LIMK2: variants seen among roughly 807,000 people sequenced by gnomAD.
LIMK2 encodes LIM domain kinase 2.
Under a neutral mutation model 75.7 loss-of-function variants are expected in LIMK2, and 35 were observed. The observed-to-expected ratio is 0.46, with a 90% CI of 0.35 to 0.61. The LOEUF (loss-of-function observed/expected upper bound fraction) is 0.61, where lower values mean the gene tolerates loss of function less well. Ranked by LOEUF, LIMK2 falls within the 20% of genes least tolerant of loss-of-function variation. The pLI, the probability that LIMK2 is intolerant of heterozygous loss-of-function variation, is 0.00. For synonymous variants in LIMK2, 301 were observed against 319.2 expected (o/e 0.94, Z 0.61); for missense variants, 623 against 831.0 (o/e 0.75, Z 3.08).
chr22:31,248,572 C>A (rs749219566), intron 2 of LIMK2: 2 of 1,604,410 alleles, frequency 1.2e-6, no homozygotes, highest in Non-Finnish European at 1.7e-6. Flanking sequence ...GCAGCTGCTC[C>A]GGAGGGAGAG....
In LIMK2 at chr22:31,267,830, C is replaced by T; in HGVS notation, c.1183C>T (p.Leu395=). The change falls in exon 10 of 16, where the codon CTG becomes TTG. Residue 395 remains leucine (L), a synonymous_variant. Transcript: ENST00000331728. ...CAATGTGCTCAAGTTCATTGGTGTG[C>T]TGTACAAGGATAAGAAGCTGAACCT... ...HPNVLKFIGV[L]YKDKKLNLLT... is the part of the protein sequence containing the mutation. 1.2e-6 allele frequency: 2 copies of T among 1,613,026 alleles called. No homozygotes were observed. The highest frequency in any genetic ancestry group is 2.2e-5 in the South Asian group (2 of 90,944).
chr22:31,270,030 G>A (rs2048939775), intron 11 of LIMK2, among the ~76,000 whole-genome samples: 1 of 152,018 alleles, frequency 6.6e-6, no homozygotes, highest in Admixed American at 6.6e-5. Context: ...TTGGGGGATG[G>A]GGGATAGCCA....
chr22:31,212,323 G>T lies in LIMK2; in HGVS notation c.-86G>T. ...GTCTTCCCGCGCCTGAGGCGGCGGC[G>T]GCAGGAGCTGAGGGGAGTTGTAGGG... is the stretch of plus-strand genomic sequence containing the variant. On this transcript the variant is annotated 5_prime_UTR_variant, in exon 1 of 16. Transcript: ENST00000331728. 1 of 1,278,796 alleles carries T rather than the reference G, an allele frequency of 7.8e-7. No homozygotes were observed. The highest frequency in any genetic ancestry group is 1.0e-6 in the Non-Finnish European group (1 of 998,142). 79.2% of individuals were successfully genotyped at this position (1,278,796 alleles called of 1,614,324 possible). A position where few individuals can be genotyped will look rare whatever the true frequency, so the allele number is the denominator to read the frequency against.
intron 2 of LIMK2, among the ~76,000 whole-genome samples, chr22:31,246,758 C>CAAAAAAAAAAAACAAAAAA (rs2048674078): frequency 8.8e-6 from 1 of 113,010 alleles, no homozygotes; most frequent in Non-Finnish European, 1.9e-5. Flanking sequence ...GACCCTGACT[C>CAAAAAAAAAAAACAAAAAA]AAAAAAAAAA....
At chr22:31,275,055 G>T in intron 14 of LIMK2, 96 bp from the exon 15 acceptor site, 8 of 1,197,956 alleles carry the variant, frequency 6.7e-6, no homozygotes, top group Non-Finnish European at 8.6e-6. Flanking sequence ...CTCCTCTTCT[G>T]CCATTCTTCC....
intron 2 of LIMK2, among the ~76,000 whole-genome samples, chr22:31,230,368 G>A (rs1307352864): frequency 3.3e-5 from 5 of 152,118 alleles, no homozygotes; most frequent in Non-Finnish European, 7.4e-5. Flanking sequence ...TGGTGACCTG[G>A]CCTCTTGGCA....
At chr22:31,219,774 G>A (rs572902329) in intron 1 of LIMK2, among the ~76,000 whole-genome samples, 21 of 152,108 alleles carry the variant, frequency 1.4e-4, no homozygotes, top group African/African-American at 4.6e-4. Flanking sequence ...GGGTTTCACC[G>A]TGTTAGCCAG....
chr22:31,235,637 G>A (rs1027573958), intron 2 of LIMK2, among the ~76,000 whole-genome samples: 6 of 152,152 alleles, frequency 3.9e-5, no homozygotes, highest in Non-Finnish European at 8.8e-5. Context: ...AATTCCAATC[G>A]TAAGTTTGTT....
intron 2 of LIMK2, among the ~76,000 whole-genome samples, chr22:31,229,812 C>T (rs1361797414): frequency 6.6e-6 from 1 of 152,108 alleles, no homozygotes; most frequent in Non-Finnish European, 1.5e-5. Context: ...GTTAGCCTTC[C>T]GACAGACCCT....
chr22:31,242,433 A>G (rs1348004830), intron 2 of LIMK2, among the ~76,000 whole-genome samples: 1 of 152,224 alleles, frequency 6.6e-6, no homozygotes, highest in Non-Finnish European at 1.5e-5. Context: ...CGCCTGGTAT[A>G]TAGTAGATAT....
chr22:31,252,668 A>G (rs961498755), intron 2 of LIMK2, among the ~76,000 whole-genome samples: 1 of 152,126 alleles, frequency 6.6e-6, no homozygotes, highest in Non-Finnish European at 1.5e-5. Context: ...ATTGCTAGGC[A>G]TAGGAGAAAA....
intron 2 of LIMK2, among the ~76,000 whole-genome samples, chr22:31,238,384 TC>T (rs965568215): frequency 1.4e-4 from 22 of 152,300 alleles, no homozygotes; most frequent in Non-Finnish European, 2.5e-4. Flanking sequence ...TAATTCAGCT[TC>T]CTGGGATACT....
chr22:31,244,623 T>C (rs1451981613), intron 2 of LIMK2, among the ~76,000 whole-genome samples: 2 of 152,076 alleles, frequency 1.3e-5, no homozygotes, highest in African/African-American at 4.8e-5. Flanking sequence ...TGCAACCTCA[T>C]AGGGGTGAAA....
chr22:31,277,215 C>T (rs375395300), intron 15 of LIMK2: 65 of 1,600,684 alleles, frequency 4.1e-5, no homozygotes, highest in East Asian at 3.1e-4. Flanking sequence ...ACAGCAATAC[C>T]GGGGGACCCT....
chr22:31,245,548 C>T (rs751948167), intron 2 of LIMK2, among the ~76,000 whole-genome samples: 27 of 152,050 alleles, frequency 1.8e-4, no homozygotes, highest in African/African-American at 5.1e-4. Context: ...GTGATCTGCC[C>T]GCCTCAGCCT....
chr22:31,245,145 G>A (rs995591796), intron 2 of LIMK2, among the ~76,000 whole-genome samples: 2 of 152,160 alleles, frequency 1.3e-5, no homozygotes, highest in African/African-American at 4.8e-5. Context: ...TGTCTTCGTG[G>A]TATAGATAGA....
chr22:31,255,978 C>CTTTTTTTTTTTTTTTTTTTT (rs567250437), intron 2 of LIMK2, among the ~76,000 whole-genome samples: 3 of 29,682 alleles, frequency 1.0e-4, no homozygotes, highest in East Asian at 1.1e-3. Context: ...TATATTGGGT[C>CTTTTTTTTTTTTTTTTTTTT]TTTTTTTTTT....
At chr22:31,231,219 G>A (rs181408082) in intron 2 of LIMK2, among the ~76,000 whole-genome samples, 23 of 152,296 alleles carry the variant, frequency 1.5e-4, no homozygotes, top group Non-Finnish European at 2.4e-4. Flanking sequence ...CCACACACTG[G>A]TAGTGTCAGA....
intron 4 of LIMK2, 25 bp from the exon 5 acceptor site, chr22:31,259,864 A>T (rs910331132): frequency 6.3e-7 from 1 of 1,584,110 alleles, no homozygotes; most frequent in Non-Finnish European, 8.5e-7. Flanking sequence ...CTAGCATCTT[A>T]TTCCCCCCTG....
Sources: allele counts gnomAD v4.1 joint callset (sites outside exome capture counted in the v4.1 genomes callset), GRCh38; gene constraint gnomAD v4.1.1; transcripts MANE v1.5; gene names NCBI Gene and HGNC (gene_info 2026-07-23, HGNC 2026-07-21).